SECISBP2: variants seen among roughly 807,000 people sequenced by gnomAD.
The protein encoded by SECISBP2 is selenocysteine insertion sequence-binding protein 2.
Under a neutral mutation model 98.2 loss-of-function variants are expected in SECISBP2, and 96 were observed. That is an observed-to-expected ratio of 0.98 (90% CI 0.83 to 1.16). SECISBP2 has a LOEUF of 1.16. Ranked by LOEUF, SECISBP2 falls within the 50% of genes most tolerant of loss-of-function variation. The pLI, the probability that SECISBP2 is intolerant of heterozygous loss-of-function variation, is 0.00. For synonymous variants in SECISBP2, 407 were observed against 370.2 expected (o/e 1.10, Z -1.14); for missense variants, 1,046 against 1,022.9 (o/e 1.02, Z -0.31).
At chr9:89,362,286 T>G, downstream of SECISBP2, 1 of 1,584,610 alleles carries the variant, frequency 6.3e-7, no homozygotes, top group Non-Finnish European at 8.7e-7. Flanking sequence ...CAGAGCAGGC[T>G]TGGGCAAGAC....
Position 89,328,226 on chromosome 9 carries a change from A to G in SECISBP2, c.575-434A>G, listed in dbSNP as rs141097087. ...TGTACAGTACATCATCGCATGTACTATACTTTTATATGCCTGTTAGCTCAG... is the reference window on the plus strand; with the variant it reads ...TGTACAGTACATCATCGCATGTACTGTACTTTTATATGCCTGTTAGCTCAG... On this transcript the variant is annotated intron_variant, in intron 4 of 16. Transcript: ENST00000375807. Among the ~76,000 whole-genome samples, 643 of 152,336 alleles carry G rather than the reference A, an allele frequency of 4.2e-3. 7 individuals carry two copies. The highest frequency in any genetic ancestry group is 0.014 in the African/African-American group (593 of 41,568).
chr9:89,327,023 G>A (rs1826831503), intron 4 of SECISBP2, among the ~76,000 whole-genome samples: 1 of 152,044 alleles, frequency 6.6e-6, no homozygotes, highest in Non-Finnish European at 1.5e-5. Flanking sequence ...TTAGCCTGGC[G>A]TGGTGGCGGG....
intron 6 of SECISBP2, among the ~76,000 whole-genome samples, chr9:89,333,295 T>A (rs1203773981): frequency 6.6e-6 from 1 of 152,238 alleles, no homozygotes. Flanking sequence ...TTGAGACCTT[T>A]AAAGATTGAG....
Position 89,357,442 on chromosome 9 carries a change from T to C in SECISBP2, c.2145T>C (p.Ile715=). The C allele has an allele frequency of 6.2e-7, 1 of 1,614,184 alleles. No homozygotes were observed. The highest frequency in any genetic ancestry group is 1.1e-5 in the South Asian group (1 of 91,090). ...TGGATGACACTTTGCACACAATTAT[T>C]GATTATGCCTGTGAGCAGAACATTC... ...GGLDDTLHTI[I]DYACEQNIPF... Residue 715 remains isoleucine (I), a synonymous_variant, in exon 15 of 17, where the codon ATT becomes ATC. Coordinates refer to ENST00000375807, the MANE Select transcript of SECISBP2 (RefSeq NM_024077.5).
chr9:89,336,681 T>C (rs1828770682), intron 7 of SECISBP2, among the ~76,000 whole-genome samples: 2 of 151,612 alleles, frequency 1.3e-5, no homozygotes, highest in South Asian at 4.2e-4. Flanking sequence ...CACACTGAAC[T>C]TGACTCTCGG....
chr9:89,345,854 C>A (rs181964212), intron 10 of SECISBP2, among the ~76,000 whole-genome samples: 1 of 152,192 alleles, frequency 6.6e-6, no homozygotes, highest in East Asian at 1.9e-4. Flanking sequence ...ATGTTTCAAA[C>A]CCCATGTGGA....
intron 6 of SECISBP2, 149 bp downstream of exon 6, chr9:89,333,135 A>G (rs1231963720): frequency 8.5e-6 from 6 of 707,358 alleles, no homozygotes; most frequent in Middle Eastern, 3.7e-4. Context: ...GTTAGTTTAG[A>G]AAGTTAAGTA....
chr9:89,356,235 A>G (rs148983431), intron 14 of SECISBP2, among the ~76,000 whole-genome samples: 1,894 of 152,292 alleles, frequency 0.012, 40 homozygotes, highest in African/African-American at 0.043. Flanking sequence ...CCTGCTCCTT[A>G]TGAGAATCTA....
At chr9:89,362,575 T>G, downstream of SECISBP2, 1 of 1,418,276 alleles carries the variant, frequency 7.1e-7, no homozygotes, top group Non-Finnish European at 9.8e-7. Flanking sequence ...AGTCTAAAGA[T>G]CCAAATGCCA....
intron 15 of SECISBP2, 70 bp from the exon 16 acceptor site, chr9:89,357,929 T>C: frequency 6.5e-7 from 1 of 1,527,426 alleles, no homozygotes; most frequent in Non-Finnish European, 9.0e-7. Context: ...GAGGTGGCCA[T>C]TGCTGAGTTT....
intron 6 of SECISBP2, 146 bp from the exon 7 acceptor site, chr9:89,334,376 C>T (rs1828272588): frequency 1.2e-6 from 1 of 844,254 alleles, no homozygotes; most frequent in Non-Finnish European, 1.9e-6. Flanking sequence ...TTAGTGACTA[C>T]TATAGTTTCC....
intron 7 of SECISBP2, among the ~76,000 whole-genome samples, chr9:89,335,208 G>A (rs1180389043): frequency 5.5e-5 from 8 of 146,272 alleles, no homozygotes; most frequent in East Asian, 2.0e-4. Context: ...ACAGTGAGAC[G>A]TCGTCTGAAA....
At chr9:89,320,373 A>G (rs929171886) in intron 2 of SECISBP2, among the ~76,000 whole-genome samples, 60 of 151,850 alleles carry the variant, frequency 4.0e-4, no homozygotes, top group African/African-American at 1.4e-3. Flanking sequence ...AAAAAAAAAA[A>G]AAAAAAATCC....
chr9:89,360,383 C>T (rs1161187396), downstream of SECISBP2, among the ~76,000 whole-genome samples: 1 of 151,986 alleles, frequency 6.6e-6, no homozygotes, highest in Non-Finnish European at 1.5e-5. Flanking sequence ...AATTTGTGGG[C>T]AAAAAGACAA....
intron 6 of SECISBP2, chr9:89,334,177 T>A: frequency 8.5e-7 from 1 of 1,178,968 alleles, no homozygotes; most frequent in Non-Finnish European, 1.1e-6. Context: ...CAAAATTTGA[T>A]CTTTAGTTCG....
chr9:89,357,631 G>A lies in SECISBP2; in HGVS notation c.2268+66G>A, dbSNP rs1832293930. The A allele has an allele frequency of 3.8e-6, 6 of 1,597,558 alleles. No homozygotes were observed. In the South Asian group the frequency reaches 6.6e-5, roughly 18 times the overall value. On this transcript the variant is annotated intron_variant, in intron 15 of 16. Coordinates refer to ENST00000375807, the MANE Select transcript of SECISBP2 (RefSeq NM_024077.5). ...GGGAGGAAGTGGGGGCAGGTGGTCA[G>A]TGTGGGCTCACCCACAGAGCAGCCC...
chr9:89,364,061 C>A, downstream of SECISBP2: 1 of 1,593,246 alleles, frequency 6.3e-7, no homozygotes, highest in South Asian at 1.1e-5. Context: ...CCTGAAGTGA[C>A]TTGGGACAAC....
At chr9:89,336,382 CT>C (rs796914325) in intron 7 of SECISBP2, among the ~76,000 whole-genome samples, 17 of 146,500 alleles carry the variant, frequency 1.2e-4, no homozygotes, top group South Asian at 2.2e-4. Context: ...CTTCAAGAGC[CT>C]TTTTTTTTTA....
rs41288141 is a variant in SECISBP2 at position 89,359,052 on chromosome 9, G to T, written c.*228G>T. ...TGTTAATCTTCTCTAAAAGCCTGGT[G>T]ATACAGCTCTGGCTTTCTGAGCACA... On this transcript the variant is annotated 3_prime_UTR_variant, in exon 17 of 17. Coordinates refer to ENST00000375807, the MANE Select transcript of SECISBP2 (RefSeq NM_024077.5). 11,590 of 551,268 alleles carry T rather than the reference G, an allele frequency of 0.021. 182 individuals carry two copies. Among genetic ancestry groups the T allele is most frequent in the Non-Finnish European group, 0.029 (8,958 of 308,830 alleles). 34.1% of individuals were successfully genotyped at this position (551,268 alleles called of 1,614,324 possible).
Sources: allele counts gnomAD v4.1 joint callset (sites outside exome capture counted in the v4.1 genomes callset), GRCh38; gene constraint gnomAD v4.1.1; transcripts MANE v1.5; gene names NCBI Gene and HGNC (gene_info 2026-07-23, HGNC 2026-07-21).